Variants in STK32B observed in about 807,000 individuals in gnomAD.
STK32B encodes serine/threonine-protein kinase 32B.
Under a neutral mutation model 52.6 loss-of-function variants are expected in STK32B, and 43 were observed. The ratio of observed to expected loss-of-function variants is 0.82; its 90% CI spans 0.64 to 1.05. STK32B has a LOEUF of 1.05. STK32B is among the 50% of genes least tolerant of loss of function. The pLI is 0.00. For synonymous variants in STK32B, 238 were observed against 204.3 expected, an observed-to-expected ratio of 1.17 and a Z score of -1.41; for missense variants, 621 against 534.6, an observed-to-expected ratio of 1.16 and a Z score of -1.59.
chr4:5,446,596 T>C, intron 6 of STK32B, 77 bp from the exon 7 acceptor site: 1 of 1,144,738 alleles, frequency 8.7e-7, no homozygotes. Flanking sequence ...TCAATTTCTC[T>C]CCTTGTCCCC....
intron 1 of STK32B, among the ~76,000 whole-genome samples, chr4:5,056,382 T>A (rs147055415): frequency 1.3e-5 from 2 of 152,364 alleles, no homozygotes; most frequent in African/African-American, 4.8e-5. Context: ...TTGCATAGTT[T>A]ATTCACTTCT....
At chr4:5,362,434 C>T (rs140521439) in intron 4 of STK32B, among the ~76,000 whole-genome samples, 184 of 152,312 alleles carry the variant, frequency 1.2e-3, no homozygotes, top group African/African-American at 3.1e-3. Context: ...CTAATTGATG[C>T]GCCTTTGGAT....
At chr4:5,280,628 C>CT (rs1206198681) in intron 3 of STK32B, among the ~76,000 whole-genome samples, 1 of 152,140 alleles carries the variant, frequency 6.6e-6, no homozygotes, top group African/African-American at 2.4e-5. Flanking sequence ...AGCGCAGTGG[C>CT]TTATGCCTGT....
intron 1 of STK32B, among the ~76,000 whole-genome samples, chr4:5,101,439 T>C (rs1447171967): frequency 1.3e-5 from 2 of 152,188 alleles, no homozygotes; most frequent in East Asian, 1.9e-4. Context: ...ACTTCTTTTG[T>C]CAATGCCTGA....
chr4:5,344,606 G>T (rs1733321462), intron 4 of STK32B, among the ~76,000 whole-genome samples: 1 of 151,894 alleles, frequency 6.6e-6, no homozygotes, highest in Non-Finnish European at 1.5e-5. Context: ...TATTTATGAA[G>T]GCTTCTTTAT....
At chr4:5,186,431 C>T (rs1165237069) in intron 3 of STK32B, among the ~76,000 whole-genome samples, 1 of 152,132 alleles carries the variant, frequency 6.6e-6, no homozygotes, top group South Asian at 2.1e-4. Flanking sequence ...CTGTGCTAGA[C>T]CCTGGTGGCA....
chr4:5,184,695 A>AGAAGAAG (rs1553846540), intron 3 of STK32B, among the ~76,000 whole-genome samples: 10 of 137,558 alleles, frequency 7.3e-5, no homozygotes, highest in African/African-American at 2.7e-4. Context: ...AAAAAAAAAA[A>AGAAGAAG]AAGAAGAAGA....
At chr4:5,127,306 T>A (rs1281613954) in intron 1 of STK32B, among the ~76,000 whole-genome samples, 14 of 152,216 alleles carry the variant, frequency 9.2e-5, no homozygotes, top group Non-Finnish European at 1.5e-5. Flanking sequence ...ACAAAATCTT[T>A]CCTGGTGAGG....
At chr4:5,218,117 T>C (rs1228949799) in intron 3 of STK32B, among the ~76,000 whole-genome samples, 1 of 152,154 alleles carries the variant, frequency 6.6e-6, no homozygotes, top group South Asian at 2.1e-4. Context: ...CCATTCAAGA[T>C]CCAGTCCTGG....
Position 5,086,630 on chromosome 4 carries a change from A to G in STK32B, c.52+34715A>G, listed in dbSNP as rs1257573001. On this transcript the variant is annotated intron_variant, in intron 1 of 11. Transcript: ENST00000282908. ...CCAAGAAGCTCAGTGAATCCCTAGT[A>G]AGATAAACTAAAAAAGAACCACACC... Among the ~76,000 whole-genome samples the G allele has an allele frequency of 2.0e-5, 3 of 152,214 alleles. No homozygotes were observed. In the East Asian group the frequency reaches 5.8e-4, roughly 29 times the overall value.
At chr4:5,219,788 G>A (rs184811369) in intron 3 of STK32B, among the ~76,000 whole-genome samples, 99 of 152,332 alleles carry the variant, frequency 6.5e-4, no homozygotes, top group Admixed American at 1.2e-3. Context: ...ATGCTGTCTT[G>A]TCTAATTCAT....
intron 6 of STK32B, among the ~76,000 whole-genome samples, chr4:5,444,473 GCA>G (rs1436032031): frequency 6.6e-5 from 10 of 152,112 alleles, no homozygotes; most frequent in Admixed American, 2.6e-4. Flanking sequence ...CGCACTGTGC[GCA>G]CACCCACTGA....
At position 5,083,154 on chromosome 4, in the gene STK32B, C is replaced by T. The variant is rs534523075; in HGVS notation, c.52+31239C>T. 9.9e-5 allele frequency among the ~76,000 whole-genome samples: 15 copies of T among 152,184 alleles called. No individual in the cohort carries two copies. The South Asian group carries it at 1.0e-3, about 11-fold the overall frequency. On this transcript the variant is annotated intron_variant, in intron 1 of 11. Coordinates refer to ENST00000282908, the MANE Select transcript of STK32B (RefSeq NM_018401.3). Reference sequence around the variant, plus strand: ...GATTTTCTAAAGTAGAAAATGATTACGAGCAGTTTTAAGGCTCTAACTTTT... The same window carrying T: ...GATTTTCTAAAGTAGAAAATGATTATGAGCAGTTTTAAGGCTCTAACTTTT...
chr4:5,094,792 C>T lies in STK32B; in HGVS notation c.52+42877C>T, dbSNP rs1355066370. On this transcript the variant is annotated intron_variant, in intron 1 of 11. Coordinates refer to ENST00000282908, the MANE Select transcript of STK32B (RefSeq NM_018401.3). ...TGGGCAGTCAAAAGTTATACACAGA[C>T]TTTTGACTGTGTAGGGAGTCGGCGC... Among the ~76,000 whole-genome samples, 5 of 152,324 alleles carry T rather than the reference C, an allele frequency of 3.3e-5. No individual in the cohort carries two copies. In the East Asian group the frequency reaches 7.7e-4, roughly 24 times the overall value.
At chr4:5,132,138 T>C (rs1024260409) in intron 1 of STK32B, among the ~76,000 whole-genome samples, 1 of 152,244 alleles carries the variant, frequency 6.6e-6, no homozygotes, top group Non-Finnish European at 1.5e-5. Context: ...TATTCCTTGG[T>C]GTATATGTAC....
At chr4:5,180,297 C>T (rs1292369537) in intron 3 of STK32B, among the ~76,000 whole-genome samples, 1 of 152,232 alleles carries the variant, frequency 6.6e-6, no homozygotes, top group Non-Finnish European at 1.5e-5. Flanking sequence ...GGTGGCTGGC[C>T]ACTAACATCT....
intron 3 of STK32B, among the ~76,000 whole-genome samples, chr4:5,267,415 T>C (rs1332299378): frequency 6.6e-6 from 1 of 152,196 alleles, no homozygotes; most frequent in East Asian, 1.9e-4. Context: ...CTAATTTTCT[T>C]ACATGGAAGT....
At chr4:5,216,695 C>T (rs961846761) in intron 3 of STK32B, among the ~76,000 whole-genome samples, 17 of 152,190 alleles carry the variant, frequency 1.1e-4, no homozygotes, top group African/African-American at 3.4e-4. Context: ...GTGCAGAACA[C>T]AGCGGGGAAG....
Position 5,051,779 on chromosome 4 carries a change from GCATCCCGCATCTCTGCGCGCGTCCCA to G in STK32B, c.-73_-48del, listed in dbSNP as rs1741792546. 2.6e-6 allele frequency: 4 copies of G among 1,534,176 alleles called. No individual in the cohort carries two copies. The highest frequency in any genetic ancestry group is 2.4e-5 in the South Asian group (2 of 82,272). ...ACAACCCGGACTGGGCGCGCCCCCG[GCATCCCGCATCTCTGCGCGCGTCCCA>G]CATCCCGCATCCGGCATCCCAGCGG... On this transcript the variant is annotated 5_prime_UTR_variant, in exon 1 of 12. Transcript: ENST00000282908.
Sources: gnomAD v4.1 joint callset for allele counts (sites outside exome capture counted in the v4.1 genomes callset) on GRCh38, gnomAD v4.1.1 for gene constraint, MANE v1.5 for transcripts, NCBI Gene and HGNC (gene_info 2026-07-23, HGNC 2026-07-21) for gene names.